The following FYN variants were observed in gnomAD, a reference collection of about 807,000 sequenced individuals.
The protein encoded by FYN is tyrosine-protein kinase Fyn.
FYN carries 10 observed loss-of-function variants against 70.2 expected under a neutral mutation model. The observed-to-expected ratio is 0.14, with a 90% CI of 0.09 to 0.24. The LOEUF (loss-of-function observed/expected upper bound fraction) is 0.24, where lower values mean the gene tolerates loss of function less well. FYN is among the 10% of genes least tolerant of loss of function. The pLI is 1.00. For missense variants in FYN, 319 were observed against 673.1 expected (o/e 0.47, Z 5.82); for synonymous variants, 236 against 248.6 (o/e 0.95, Z 0.48).
chr6:111,682,259 T>C (rs577676632), intron 12 of FYN, among the ~76,000 whole-genome samples: 1 of 152,338 alleles, frequency 6.6e-6, no homozygotes, highest in South Asian at 2.1e-4. Flanking sequence ...TTAAAAGTTA[T>C]AGGAATAAAA....
intron 1 of FYN, among the ~76,000 whole-genome samples, chr6:111,871,459 G>A (rs926409699): frequency 6.6e-6 from 1 of 152,220 alleles, no homozygotes; most frequent in African/African-American, 2.4e-5. Context: ...CTTGAAGCAG[G>A]CAAGAGGCAG....
intron 3 of FYN, among the ~76,000 whole-genome samples, chr6:111,765,406 G>A (rs1803191741): frequency 6.6e-6 from 1 of 152,138 alleles, no homozygotes; most frequent in Non-Finnish European, 1.5e-5. Context: ...AAGGCCATGT[G>A]GGGACACCAG....
chr6:111,872,385 C>A (rs1392686677), intron 1 of FYN, among the ~76,000 whole-genome samples: 1 of 86,514 alleles, frequency 1.2e-5, no homozygotes, highest in Non-Finnish European at 2.1e-5. Flanking sequence ...GGCTCCAGCA[C>A]AGGGGAAAGG....
intron 5 of FYN, among the ~76,000 whole-genome samples, chr6:111,712,841 T>C (rs1252656427): frequency 6.6e-6 from 1 of 152,176 alleles, no homozygotes; most frequent in Non-Finnish European, 1.5e-5. Flanking sequence ...TTGTGAAAAT[T>C]CAGCAAACTG....
At chr6:111,817,254 T>G (rs889666627) in intron 2 of FYN, among the ~76,000 whole-genome samples, 5 of 152,158 alleles carry the variant, frequency 3.3e-5, no homozygotes, top group Admixed American at 3.3e-4. Flanking sequence ...CAACCACATA[T>G]TTTCTATTTG....
chr6:111,766,099 GAC>G (rs1309215160), intron 3 of FYN, among the ~76,000 whole-genome samples: 1 of 152,188 alleles, frequency 6.6e-6, no homozygotes, highest in Non-Finnish European at 1.5e-5. Context: ...GAAGAGACAT[GAC>G]ACAGAGTAAG....
intron 12 of FYN, among the ~76,000 whole-genome samples, chr6:111,690,417 AC>A (rs1799267164): frequency 6.6e-6 from 1 of 152,106 alleles, no homozygotes; most frequent in Non-Finnish European, 1.5e-5. Flanking sequence ...ACAGATCCAA[AC>A]CCAAATGCAT....
At chr6:111,757,890 C>G (rs1014265608) in intron 3 of FYN, among the ~76,000 whole-genome samples, 1 of 152,098 alleles carries the variant, frequency 6.6e-6, no homozygotes, top group Non-Finnish European at 1.5e-5. Context: ...TTTTAACAGT[C>G]TTAGAGAAGG....
chr6:111,842,558 C>A (rs910002238), intron 2 of FYN, among the ~76,000 whole-genome samples: 8 of 152,222 alleles, frequency 5.3e-5, no homozygotes, highest in African/African-American at 1.9e-4. Context: ...CCTCATGTCA[C>A]CCCAGCAACC....
At chr6:111,664,467 A>G (rs1797907410) in intron 13 of FYN, among the ~76,000 whole-genome samples, 2 of 152,180 alleles carry the variant, frequency 1.3e-5, no homozygotes, top group South Asian at 4.1e-4. Flanking sequence ...AAATGGAAAG[A>G]TTTCACTTAA....
intron 1 of FYN, among the ~76,000 whole-genome samples, chr6:111,852,161 T>C (rs1027905604): frequency 6.6e-6 from 1 of 152,208 alleles, no homozygotes; most frequent in African/African-American, 2.4e-5. Context: ...TCCATTATCA[T>C]ATAACAAAAT....
At chr6:111,722,808 C>G (rs1801017223) in intron 3 of FYN, among the ~76,000 whole-genome samples, 1 of 152,130 alleles carries the variant, frequency 6.6e-6, no homozygotes, top group African/African-American at 2.4e-5. Flanking sequence ...AGTTACCTGG[C>G]CCCAAATGTT....
Position 111,665,287 on chromosome 6 carries a change from C to A in FYN, c.1406-3340G>T, listed in dbSNP as rs191812680. On this transcript the variant is annotated intron_variant, in intron 13 of 13. Coordinates refer to ENST00000354650, the MANE Select transcript of FYN (RefSeq NM_002037.5). ...ATATTTTTGGATTAGGGATACTTAACCTGTATTTAAAATACAGTATTCTCA... is the reference window on the plus strand; with the variant it reads ...ATATTTTTGGATTAGGGATACTTAAACTGTATTTAAAATACAGTATTCTCA... 1.4e-4 allele frequency among the ~76,000 whole-genome samples: 21 copies of A among 151,954 alleles called. No individual in the cohort carries two copies. In the East Asian group the frequency reaches 3.5e-3, roughly 25 times the overall value.
At position 111,722,634 on chromosome 6, in the gene FYN, G is replaced by T. The variant is rs73766712; in HGVS notation, c.-11-2572C>A. Among the ~76,000 whole-genome samples, 364 of 152,210 alleles carry T rather than the reference G, an allele frequency of 2.4e-3. 1 individual carries two copies. Among genetic ancestry groups the T allele is most frequent in the African/African-American group, 8.6e-3 (356 of 41,522 alleles). ...ACTTACAGCAGTGGTTCTCAGCTGG[G>T]GGTAACTTTACCACTCCCCTGCAAG... On this transcript the variant is annotated intron_variant, in intron 3 of 13. Coordinates refer to ENST00000354650, the MANE Select transcript of FYN (RefSeq NM_002037.5).
intron 12 of FYN, among the ~76,000 whole-genome samples, chr6:111,685,017 G>GAAAAC (rs569044412): frequency 4.2e-4 from 64 of 152,304 alleles, no homozygotes; most frequent in Non-Finnish European, 8.5e-4. Flanking sequence ...TCTGTAAAGA[G>GAAAAC]AAAACAAAAC....
chr6:111,745,397 T>C lies in FYN; in HGVS notation c.-11-25335A>G, dbSNP rs564059553. ...AAAGCTGGGATGGGTTCTCAGAGGATGGGCATCTGAGTGGGGCCTGTGGGA... is the reference window on the plus strand; with the variant it reads ...AAAGCTGGGATGGGTTCTCAGAGGACGGGCATCTGAGTGGGGCCTGTGGGA... On this transcript the variant is annotated intron_variant, in intron 3 of 13. Coordinates refer to ENST00000354650, the MANE Select transcript of FYN (RefSeq NM_002037.5). 2.0e-4 allele frequency among the ~76,000 whole-genome samples: 31 copies of C among 152,218 alleles called. No homozygotes were observed. In the South Asian group the frequency reaches 6.0e-3, roughly 30 times the overall value.
At chr6:111,666,394 A>G (rs1222571041) in intron 13 of FYN, among the ~76,000 whole-genome samples, 1 of 151,972 alleles carries the variant, frequency 6.6e-6, no homozygotes, top group African/African-American at 2.4e-5. Context: ...CTGGGGAGCC[A>G]GCAAGCACAG....
chr6:111,690,542 C>T (rs1374203355), intron 12 of FYN, among the ~76,000 whole-genome samples: 1 of 152,214 alleles, frequency 6.6e-6, no homozygotes, highest in African/African-American at 2.4e-5. Context: ...TCTTCTCTCC[C>T]TTTCCTGAAT....
chr6:111,843,339 A>ATT (rs1462198289), intron 2 of FYN, among the ~76,000 whole-genome samples: 9 of 152,216 alleles, frequency 5.9e-5, no homozygotes, highest in African/African-American at 2.2e-4. Flanking sequence ...CAAAAAGCAC[A>ATT]TTTTTGTTCT....
Sources: allele counts gnomAD v4.1 joint callset (sites outside exome capture counted in the v4.1 genomes callset), GRCh38; gene constraint gnomAD v4.1.1; transcripts MANE v1.5; gene names NCBI Gene and HGNC (gene_info 2026-07-23, HGNC 2026-07-21).